Variants in KCNMA1 observed in about 807,000 individuals in gnomAD.
KCNMA1 encodes Calcium-activated potassium channel subunit alpha-1.
A neutral mutation model predicts 140.0 loss-of-function variants in KCNMA1; 29 were observed. The ratio of observed to expected loss-of-function variants is 0.21; its 90% confidence interval spans 0.15 to 0.28. The LOEUF (loss-of-function observed/expected upper bound fraction) is 0.28, where lower values mean the gene tolerates loss of function less well. Among genes scored for constraint, KCNMA1 ranks in the 10% least tolerant of loss-of-function variants. The probability of loss-of-function intolerance (pLI) is 1.00; values close to 1 mark genes in which losing one functional copy is unlikely to be tolerated. For synonymous variants in KCNMA1, 612 were observed against 611.9 expected (o/e 1.00, Z 0.00); for missense variants, 880 against 1,602.2 (o/e 0.55, Z 7.70).
intron 1 of KCNMA1, among the ~76,000 whole-genome samples, chr10:77,576,522 T>C (rs1234304534): frequency 7.7e-6 from 1 of 129,224 alleles, no homozygotes; most frequent in Non-Finnish European, 1.8e-5. Flanking sequence ...CTACGTGACA[T>C]TTAAGTCCCC....
At chr10:77,500,583 A>T (rs1285918676) in intron 1 of KCNMA1, among the ~76,000 whole-genome samples, 1 of 152,236 alleles carries the variant, frequency 6.6e-6, no homozygotes, top group African/African-American at 2.4e-5. Flanking sequence ...AAGGCAACAC[A>T]GGAGGTTTCA....
intron 14 of KCNMA1, among the ~76,000 whole-genome samples, chr10:77,062,891 C>T (rs2095806369): frequency 6.6e-6 from 1 of 152,152 alleles, no homozygotes. Flanking sequence ...AGCTGAGAAG[C>T]CAATGATGTT....
At chr10:77,508,810 C>T (rs1012823834) in intron 1 of KCNMA1, among the ~76,000 whole-genome samples, 1 of 152,064 alleles carries the variant, frequency 6.6e-6, no homozygotes, top group Admixed American at 6.5e-5. Flanking sequence ...CCTATTCCCT[C>T]CACCTCCAGC....
intron 2 of KCNMA1, among the ~76,000 whole-genome samples, chr10:77,292,625 T>C (rs1287385070): frequency 6.6e-6 from 1 of 152,202 alleles, no homozygotes; most frequent in Non-Finnish European, 1.5e-5. Flanking sequence ...ACCTCCTCTT[T>C]TTGTCCTTCC....
chr10:77,301,129 T>C (rs2076438474), intron 2 of KCNMA1, among the ~76,000 whole-genome samples: 2 of 152,180 alleles, frequency 1.3e-5, no homozygotes, highest in Admixed American at 1.3e-4. Flanking sequence ...AAAACTTCAC[T>C]GACTTAGGTT....
At chr10:77,637,079 C>T in intron 1 of KCNMA1, 186 bp downstream of exon 1, 2 of 1,343,882 alleles carry the variant, frequency 1.5e-6, no homozygotes, top group Non-Finnish European at 2.0e-6. Context: ...CTCCTCACCC[C>T]CGGCGCGCCG....
chr10:77,521,154 G>C (rs564571695), intron 1 of KCNMA1, among the ~76,000 whole-genome samples: 1 of 152,278 alleles, frequency 6.6e-6, no homozygotes, highest in South Asian at 2.1e-4. Context: ...TCCAGCCAAA[G>C]AAAACAGCAT....
chr10:77,486,002 TGTAA>T (rs1469045243), intron 1 of KCNMA1, among the ~76,000 whole-genome samples: 3 of 152,232 alleles, frequency 2.0e-5, no homozygotes, highest in African/African-American at 7.2e-5. Context: ...TGACCTCTGC[TGTAA>T]GGTATCCTAG....
chr10:77,050,387 C>T (rs1343168731), intron 14 of KCNMA1, among the ~76,000 whole-genome samples: 3 of 151,718 alleles, frequency 2.0e-5, no homozygotes, highest in African/African-American at 4.8e-5. Context: ...TTTGATAACA[C>T]AAAAAACTAG....
chr10:77,172,920 AG>A (rs1286489208), intron 5 of KCNMA1, among the ~76,000 whole-genome samples: 1 of 151,994 alleles, frequency 6.6e-6, no homozygotes, highest in Non-Finnish European at 1.5e-5. Flanking sequence ...GCATGGTGGG[AG>A]GGACAAACAG....
intron 10 of KCNMA1, among the ~76,000 whole-genome samples, chr10:77,087,463 C>T (rs77123400): frequency 0.023 from 3,457 of 152,280 alleles, 147 homozygotes; most frequent in African/African-American, 0.079. Flanking sequence ...CGAAGGTTCC[C>T]CTGGGAGAGG....
rs2092239256 is a variant in KCNMA1, at chr10:77,346,820, T to A, written c.540+57042A>T. ...TCCTGGTGAAATGGCATTATACTTC[T>A]GCCATATTCTTCTGGTTCAAGAACA... On this transcript the variant is annotated intron_variant, in intron 2 of 27. Coordinates refer to ENST00000286628, the MANE Select transcript of KCNMA1 (RefSeq NM_001161352.2). Among the ~76,000 whole-genome samples, 3 of 152,198 alleles carry A rather than the reference T, an allele frequency of 2.0e-5. 1 individual carries two copies. The South Asian group carries it at 6.2e-4, about 32-fold the overall frequency.
intron 1 of KCNMA1, among the ~76,000 whole-genome samples, chr10:77,550,771 ATGC>A (rs1354553895): frequency 6.6e-6 from 1 of 152,206 alleles, no homozygotes; most frequent in African/African-American, 2.4e-5. Flanking sequence ...ATGAAGGCAG[ATGC>A]TAGAAGCAGT....
At chr10:77,583,919 T>C (rs1428233690) in intron 1 of KCNMA1, among the ~76,000 whole-genome samples, 2 of 152,202 alleles carry the variant, frequency 1.3e-5, no homozygotes, top group Non-Finnish European at 2.9e-5. Context: ...TATAACCATA[T>C]GTAGATAAAA....
chr10:76,954,073 T>C (rs910525654), intron 20 of KCNMA1, 149 bp from the exon 21 acceptor site: 11 of 948,168 alleles, frequency 1.2e-5, no homozygotes, highest in Admixed American at 4.0e-5. Context: ...GAATCCATCC[T>C]TTGAGAGACA....
At chr10:77,617,410 C>A (rs1310422279) in intron 1 of KCNMA1, among the ~76,000 whole-genome samples, 1 of 152,180 alleles carries the variant, frequency 6.6e-6, no homozygotes, top group African/African-American at 2.4e-5. Context: ...TGAATTAGGG[C>A]CAACGTAAAC....
chr10:77,636,206 C>A (rs1603639256), intron 1 of KCNMA1: 20 of 1,426,606 alleles, frequency 1.4e-5, no homozygotes, highest in Non-Finnish European at 1.8e-5. Context: ...CTCTTTTTTC[C>A]AGTTCTTTCT....
At chr10:76,891,441 G>T (rs2151867555) in intron 26 of KCNMA1, 84 bp downstream of exon 26, 7 of 1,047,244 alleles carry the variant, frequency 6.7e-6, no homozygotes, top group Non-Finnish European at 1.0e-5. Flanking sequence ...CAGATGCCTA[G>T]CTTGTCACAT....
intron 1 of KCNMA1, among the ~76,000 whole-genome samples, chr10:77,548,324 A>T (rs1231207423): frequency 6.6e-6 from 1 of 152,212 alleles, no homozygotes; most frequent in Non-Finnish European, 1.5e-5. Flanking sequence ...AACCACGCCC[A>T]ACACTTGGAA....
Sources: gnomAD v4.1 joint callset for allele counts (sites outside exome capture counted in the v4.1 genomes callset) on GRCh38, gnomAD v4.1.1 for gene constraint, MANE v1.5 for transcripts, NCBI Gene and HGNC (gene_info 2026-07-23, HGNC 2026-07-21) for gene names.